Variants in ARL15 observed in about 807,000 individuals in gnomAD.
ARL15 encodes ADP-ribosylation factor-like protein 15.
A neutral mutation model predicts 25.2 loss-of-function variants in ARL15; 19 were observed. The ratio of observed to expected loss-of-function variants is 0.75; its 90% CI spans 0.53 to 1.10. ARL15 has a LOEUF of 1.10. Among genes scored for constraint, ARL15 ranks in the 50% least tolerant of loss-of-function variants. The probability of loss-of-function intolerance (pLI) is 0.00; values close to 1 mark genes in which losing one functional copy is unlikely to be tolerated. For missense variants in ARL15, 220 were observed against 246.0 expected (o/e 0.89, Z 0.71); for synonymous variants, 94 against 86.8 (o/e 1.08, Z -0.46).
chr5:54,024,416 G>A (rs566030824), intron 4 of ARL15, among the ~76,000 whole-genome samples: 318 of 152,216 alleles, frequency 2.1e-3, no homozygotes, highest in African/African-American at 7.2e-3. Context: ...CATGTACTGC[G>A]ATGTTAGATT....
chr5:53,894,372 G>A (rs1183548060), intron 4 of ARL15, among the ~76,000 whole-genome samples: 4 of 152,206 alleles, frequency 2.6e-5, no homozygotes, highest in Non-Finnish European at 4.4e-5. Context: ...CACGGGAGAA[G>A]TTAGTATGTC....
intron 4 of ARL15, among the ~76,000 whole-genome samples, chr5:54,032,123 C>T (rs1750010624): frequency 2.0e-5 from 3 of 152,176 alleles, no homozygotes; most frequent in African/African-American, 7.2e-5. Flanking sequence ...GAGAATGGAG[C>T]ATGTGAGGAC....
intron 4 of ARL15, among the ~76,000 whole-genome samples, chr5:53,916,551 C>T (rs1046515092): frequency 3.9e-5 from 6 of 152,076 alleles, no homozygotes; most frequent in African/African-American, 1.2e-4. Context: ...GGTTTCAGAA[C>T]ACAAAGTATT....
chr5:53,958,798 T>C (rs567154661), intron 4 of ARL15, among the ~76,000 whole-genome samples: 1 of 152,208 alleles, frequency 6.6e-6, no homozygotes, highest in Non-Finnish European at 1.5e-5. Flanking sequence ...GGTCAAAAAG[T>C]TTTTACAAGA....
chr5:53,940,645 C>G (rs1746512205), intron 4 of ARL15, among the ~76,000 whole-genome samples: 1 of 152,056 alleles, frequency 6.6e-6, no homozygotes, highest in Admixed American at 6.6e-5. Context: ...TTTTTCTATG[C>G]TTAAACAGAG....
chr5:54,092,821 C>A (rs537497062), intron 4 of ARL15, among the ~76,000 whole-genome samples: 1 of 152,130 alleles, frequency 6.6e-6, no homozygotes, highest in Non-Finnish European at 1.5e-5. Flanking sequence ...AAATCCTACA[C>A]TGATACTAAT....
intron 1 of ARL15, 92 bp from the exon 2 acceptor site, chr5:54,172,020 G>T (rs568623810): frequency 6.9e-7 from 1 of 1,447,284 alleles, no homozygotes; most frequent in South Asian, 1.4e-5. Flanking sequence ...AGTATTAAGA[G>T]GTAATTGAAT....
intron 4 of ARL15, among the ~76,000 whole-genome samples, chr5:53,927,058 A>G (rs1309274012): frequency 6.6e-6 from 1 of 151,926 alleles, no homozygotes; most frequent in African/African-American, 2.4e-5. Flanking sequence ...GACCATTTCA[A>G]CTATTTTTTA....
intron 1 of ARL15, among the ~76,000 whole-genome samples, chr5:54,208,207 T>A (rs1215231854): frequency 6.6e-6 from 1 of 152,012 alleles, no homozygotes; most frequent in African/African-American, 2.4e-5. Flanking sequence ...AGTAGATAAA[T>A]CTCACTCTTG....
intron 3 of ARL15, among the ~76,000 whole-genome samples, chr5:54,129,181 T>C (rs2112271061): frequency 6.6e-6 from 1 of 152,258 alleles, no homozygotes; most frequent in African/African-American, 2.4e-5. Context: ...ACATCTAATA[T>C]CTAAATCTGA....
chr5:54,109,388 CAT>C (rs1261056392), intron 4 of ARL15, among the ~76,000 whole-genome samples: 1 of 151,900 alleles, frequency 6.6e-6, no homozygotes, highest in Non-Finnish European at 1.5e-5. Context: ...AATCAGATGA[CAT>C]TGCTAGAAAA....
chr5:54,216,547 G>T (rs1024547817), intron 1 of ARL15, among the ~76,000 whole-genome samples: 1 of 152,066 alleles, frequency 6.6e-6, no homozygotes, highest in Non-Finnish European at 1.5e-5. Flanking sequence ...CTCAGCATAA[G>T]CTATGCGCAA....
chr5:53,975,892 A>C (rs1050797331), intron 4 of ARL15, among the ~76,000 whole-genome samples: 1 of 152,106 alleles, frequency 6.6e-6, no homozygotes, highest in Non-Finnish European at 1.5e-5. Context: ...TGTAGCTATA[A>C]TAACAAAAAT....
At chr5:54,278,838 G>A (rs1481627522) in intron 1 of ARL15, among the ~76,000 whole-genome samples, 1 of 152,170 alleles carries the variant, frequency 6.6e-6, no homozygotes, top group Non-Finnish European at 1.5e-5. Flanking sequence ...GCATGCACTG[G>A]ATACCCTTTG....
At chr5:54,129,428 GA>G (rs1231938924) in intron 3 of ARL15, among the ~76,000 whole-genome samples, 4 of 152,142 alleles carry the variant, frequency 2.6e-5, no homozygotes, top group African/African-American at 9.7e-5. Flanking sequence ...AAGAGAGAGA[GA>G]ATCTGCCAGA....
intron 4 of ARL15, among the ~76,000 whole-genome samples, chr5:53,978,689 A>G (rs1286451553): frequency 6.6e-6 from 1 of 151,776 alleles, no homozygotes; most frequent in East Asian, 1.9e-4. Context: ...GAGGTATGCT[A>G]AAGTCCAGTA....
intron 1 of ARL15, among the ~76,000 whole-genome samples, chr5:54,290,388 T>C (rs1758293315): frequency 6.6e-6 from 1 of 151,540 alleles, no homozygotes. Flanking sequence ...CTGCAACCTC[T>C]GCCCACCTCC....
At chr5:54,192,555 C>T (rs1755436067) in intron 1 of ARL15, among the ~76,000 whole-genome samples, 2 of 150,478 alleles carry the variant, frequency 1.3e-5, no homozygotes, top group African/African-American at 4.9e-5. Context: ...TTTTAAATCA[C>T]ATCCTATTAA....
At chr5:54,180,984 A>G (rs1356386168) in intron 1 of ARL15, among the ~76,000 whole-genome samples, 2 of 152,124 alleles carry the variant, frequency 1.3e-5, no homozygotes, top group African/African-American at 4.8e-5. Flanking sequence ...AGTCTGCATC[A>G]GTCATCCCCG....
Sources: gnomAD v4.1 joint callset for allele counts (sites outside exome capture counted in the v4.1 genomes callset) on GRCh38, gnomAD v4.1.1 for gene constraint, MANE v1.5 for transcripts, NCBI Gene and HGNC (gene_info 2026-07-23, HGNC 2026-07-21) for gene names.